Variants in NPHP3 observed in about 807,000 individuals in gnomAD.
NPHP3 encodes the protein nephrocystin 3.
NPHP3 carries 123 observed loss-of-function variants against 171.9 expected under a neutral mutation model. The observed-to-expected ratio is 0.72, with a 90% CI of 0.62 to 0.83. NPHP3 has a LOEUF of 0.83. NPHP3 is among the 40% of genes least tolerant of loss of function. The pLI is 0.00. For synonymous variants in NPHP3, 558 were observed against 579.2 expected (o/e 0.96, Z 0.52); for missense variants, 1,506 against 1,591.9 (o/e 0.95, Z 0.92).
At chr3:132,718,123 A>G (rs66564593) in intron 3 of NPHP3, 86,844 of 446,052 alleles carry the variant, frequency 0.19, 9,921 homozygotes, top group East Asian at 0.55. Flanking sequence ...TGATACTACA[A>G]TGAAAATTAA....
At chr3:132,718,950 C>T (rs775927584) in intron 3 of NPHP3, 44 bp downstream of exon 3, 2 of 1,596,734 alleles carry the variant, frequency 1.3e-6, no homozygotes, top group South Asian at 1.1e-5. Flanking sequence ...CATGTCATTA[C>T]AGCCATGTTG....
Position 132,694,858 on chromosome 3 carries a change from G to A in NPHP3, c.2279C>T (p.Ala760Val), listed in dbSNP as rs772616439. 2 of 1,613,404 alleles carry A rather than the reference G, an allele frequency of 1.2e-6. No individual in the cohort carries two copies. Among genetic ancestry groups the A allele is most frequent in the Non-Finnish European group, 1.7e-6 (2 of 1,179,884 alleles). Reference protein sequence around the residue: ...LVLHSIRESMANDVDKELMKQ... With the variant: ...LVLHSIRESMVNDVDKELMKQ... ...CATTAGCTCTTTATCCACATCATTT[G>A]CCATGGACTCCCGGATAGAGTGCAG... The change falls in exon 16 of 27, where the codon GCA becomes GTA. Residue 760 changes from alanine (A) to valine (V), a missense_variant. Physicochemically the swap from Ala to Val is moderately conservative, Grantham distance 64 (BLOSUM62 0). Coordinates refer to ENST00000337331, the MANE Select transcript of NPHP3 (RefSeq NM_153240.5).
chr3:132,689,959 A>C (rs1305623024), intron 19 of NPHP3, among the ~76,000 whole-genome samples: 2 of 152,212 alleles, frequency 1.3e-5, no homozygotes, highest in African/African-American at 4.8e-5. Context: ...TCTCTAAGTA[A>C]GGCAGAAAAA....
At position 132,682,333 on chromosome 3, in the gene NPHP3, T is replaced by C; in HGVS notation, c.3813-243A>G. On this transcript the variant is annotated intron_variant, in intron 26 of 26. Transcript: ENST00000337331. ...CATGTTGTAATAGAGGCAGTGAAAT[T>C]GCTAAGCAAAGTTAGGTATTCTCTG... 1.1e-5 allele frequency: 6 copies of C among 569,848 alleles called. 1 individual carries two copies. The South Asian group carries it at 1.3e-4, about 12-fold the overall frequency. The allele number at this position is 569,848 out of a possible 1,614,324, so 35.3% of individuals were successfully genotyped here.
rs780020801 is a variant in NPHP3, at chr3:132,683,476, G to A, written c.3619C>T (p.Arg1207Ter). 11 of 1,613,030 alleles carry A rather than the reference G, an allele frequency of 6.8e-6. No homozygotes were observed. Among genetic ancestry groups the A allele is most frequent in the Middle Eastern group, 1.7e-4 (1 of 6,056 alleles). The change falls in exon 25 of 27, where the codon CGA becomes TGA. Residue 1207 changes from arginine to a stop codon, truncating the protein, a stop_gained. Transcript: ENST00000337331. LOFTEE classifies it high-confidence loss of function. Reference sequence around the variant, plus strand: ...TGCTTTGGGCCAAAAGATTTCTGTCGAATTTCAACAGCCAATTCATACAAA... The same window carrying A: ...TGCTTTGGGCCAAAAGATTTCTGTCAAATTTCAACAGCCAATTCATACAAA... Reference protein sequence around the residue: ...VPLYELAVEIRQKSFGPKHPS... With the variant: ...VPLYELAVEI
chr3:132,692,508 T>A (rs903949655), intron 17 of NPHP3, 146 bp downstream of exon 17: 4 of 696,420 alleles, frequency 5.7e-6, no homozygotes, highest in Non-Finnish European at 9.8e-6. Flanking sequence ...TACAGTATTG[T>A]TAACTATAGG....
At chr3:132,715,261 C>T (rs750784791) in intron 4 of NPHP3, 43 bp from the exon 5 acceptor site, 1 of 1,563,070 alleles carries the variant, frequency 6.4e-7, no homozygotes, top group South Asian at 1.1e-5. Flanking sequence ...ATTACCAGAA[C>T]ACATTTGATC....
In NPHP3 at chr3:132,705,742, G is replaced by C; in HGVS notation, c.1348C>G (p.Gln450Glu). The part of the protein sequence containing the change: ...TYICVEKIIK[Q>E]DILGFENTDL... ...ACTTACAGAGAATGCATATTTACCT[G>C]TTTAATAATCTTTTCTACACAAATA... Residue 450 changes from glutamine to glutamate, a missense_variant and splice_region_variant, in exon 8 of 27, where the codon CAG (glutamine) becomes GAG (glutamate). Transcript: ENST00000337331. 1 of 1,357,712 alleles carries C rather than the reference G, an allele frequency of 7.4e-7. No homozygotes were observed. Among genetic ancestry groups the C allele is most frequent in the Admixed American group, 1.7e-5 (1 of 58,892 alleles). 84.1% of individuals were successfully genotyped at this position (1,357,712 alleles called of 1,614,324 possible).
At position 132,722,119 on chromosome 3, in the gene NPHP3, C is replaced by T. The variant is rs555921512; in HGVS notation, c.237G>A (p.Ser79=). 13 of 1,603,376 alleles carry T rather than the reference C, an allele frequency of 8.1e-6. No individual in the cohort carries two copies. The East Asian group carries it at 2.2e-4, about 28-fold the overall frequency. ...LLGASFKSTG[S]SVPELEYAAA... ...CCGCGTACTCCAGCTCTGGCACCGA[C>T]GAGCCAGTGGACTTGAAGCTGGCCC... The change falls in exon 1 of 27, where the codon TCG becomes TCA. Residue 79 remains serine, a synonymous_variant. Coordinates refer to ENST00000337331, the MANE Select transcript of NPHP3 (RefSeq NM_153240.5).
At chr3:132,714,337 T>C (rs1366661334) in intron 5 of NPHP3, among the ~76,000 whole-genome samples, 1 of 152,204 alleles carries the variant, frequency 6.6e-6, no homozygotes, top group Admixed American at 6.5e-5. Flanking sequence ...CAACTGGCTA[T>C]AGTGACCCTT....
rs1301930382 is a variant in NPHP3, at chr3:132,696,737, A to G, written c.2165T>C (p.Ile722Thr). The G allele has an allele frequency of 6.2e-7, 1 of 1,613,952 alleles. No homozygotes were observed. The highest frequency in any genetic ancestry group is 1.7e-5 in the Admixed American group (1 of 60,014). ...ALYVTLFGKMIARAGRAGNLD... is the reference protein window; with the variant it reads ...ALYVTLFGKMTARAGRAGNLD... ...TAAAATAATCACCACTCACCGCGCG[A>G]TCATTTTGCCGAAAAGGGTGACATA... Residue 722 changes from isoleucine to threonine, a missense_variant, in exon 15 of 27, where the codon ATC (isoleucine) becomes ACC (threonine). Ile to Thr is a moderately conservative substitution (Grantham distance 89). Coordinates refer to ENST00000337331, the MANE Select transcript of NPHP3 (RefSeq NM_153240.5).
intron 17 of NPHP3, among the ~76,000 whole-genome samples, chr3:132,691,552 A>G (rs1939300543): frequency 6.6e-6 from 1 of 152,228 alleles, no homozygotes; most frequent in South Asian, 2.1e-4. Context: ...TGTGGAATGA[A>G]AAGTTACTAA....
intron 26 of NPHP3, chr3:132,682,365 G>T: frequency 1.8e-6 from 1 of 551,184 alleles, no homozygotes; most frequent in Non-Finnish European, 3.2e-6. Flanking sequence ...TCTGCATCCT[G>T]AGAAAAATAC....
chr3:132,684,823 ACTAT>A (rs754781710), intron 23 of NPHP3, 29 bp from the exon 24 acceptor site: 29 of 1,609,220 alleles, frequency 1.8e-5, no homozygotes, highest in Non-Finnish European at 2.4e-5. Flanking sequence ...AATGGCTTAA[ACTAT>A]CTATTTTCTA....
chr3:132,713,051 T>C (rs1314455950), intron 6 of NPHP3, 75 bp downstream of exon 6: 25 of 732,052 alleles, frequency 3.4e-5, no homozygotes, highest in Non-Finnish European at 5.0e-5. Flanking sequence ...AAATTTATCT[T>C]TGAAGCTTAT....
At chr3:132,707,249 T>C (rs937745652) in intron 7 of NPHP3, among the ~76,000 whole-genome samples, 1 of 152,146 alleles carries the variant, frequency 6.6e-6, no homozygotes, top group African/African-American at 2.4e-5. Context: ...AAAGTCACTA[T>C]AAAAAGTCTC....
rs367765709 is a variant in NPHP3 at position 132,721,945 on chromosome 3, G to C, written c.393+18C>G. ...CTTCCCAAGGGTCTCCCGGCGTCGC[G>C]GCCCAGCCCGGCGTTACCTGCAGTT... is the stretch of plus-strand genomic sequence containing the variant. On this transcript the variant is annotated intron_variant, in intron 1 of 26. Coordinates refer to ENST00000337331, the MANE Select transcript of NPHP3 (RefSeq NM_153240.5). 1.2e-6 allele frequency: 2 copies of C among 1,611,062 alleles called. No individual in the cohort carries two copies. The highest frequency in any genetic ancestry group is 1.7e-5 in the Admixed American group (1 of 59,924).
intron 6 of NPHP3, among the ~76,000 whole-genome samples, chr3:132,708,545 C>A (rs1187304742): frequency 6.6e-6 from 1 of 152,146 alleles, no homozygotes; most frequent in Non-Finnish European, 1.5e-5. Flanking sequence ...AAAAAGATCT[C>A]AAAAATACTC....
rs772968240 is a variant in NPHP3, at chr3:132,683,491, A to G, written c.3604T>C (p.Leu1202=). Residue 1202 remains leucine, a synonymous_variant, in exon 25 of 27, where the codon TTG becomes CTG. Coordinates refer to ENST00000337331, the MANE Select transcript of NPHP3 (RefSeq NM_153240.5). ...GATTTCTGTCGAATTTCAACAGCCAATTCATACAAAGGTACAGCTTTGTCA... is the reference window on the plus strand; with the variant it reads ...GATTTCTGTCGAATTTCAACAGCCAGTTCATACAAAGGTACAGCTTTGTCA... ...KLDKAVPLYE[L]AVEIRQKSFG... 8 of 1,613,068 alleles carry G rather than the reference A, an allele frequency of 5.0e-6. No individual in the cohort carries two copies. Among genetic ancestry groups the G allele is most frequent in the East Asian group, 2.2e-5 (1 of 44,812 alleles).
Sources: gnomAD v4.1 joint callset for allele counts (sites outside exome capture counted in the v4.1 genomes callset) on GRCh38, gnomAD v4.1.1 for gene constraint, MANE v1.5 for transcripts, NCBI Gene and HGNC (gene_info 2026-07-23, HGNC 2026-07-21) for gene names.